The following LMX1A variants were observed in gnomAD, a reference collection of about 807,000 sequenced individuals.
The protein encoded by LMX1A is LIM homeobox transcription factor 1 alpha, also known as LIM homeobox transcription factor 1-alpha.
A neutral mutation model predicts 49.1 loss-of-function variants in LMX1A; 15 were observed. The observed-to-expected ratio is 0.31, with a 90% CI of 0.20 to 0.47. The LOEUF is 0.47. LMX1A is among the 20% of genes least tolerant of loss of function. LMX1A has a pLI of 1.00. For synonymous variants in LMX1A, 167 were observed against 185.7 expected, an observed-to-expected ratio of 0.90 and a Z score of 0.82; for missense variants, 372 against 475.8, an observed-to-expected ratio of 0.78 and a Z score of 2.03.
At chr1:165,273,592 C>T (rs1005646982) in intron 3 of LMX1A, among the ~76,000 whole-genome samples, 6 of 152,202 alleles carry the variant, frequency 3.9e-5, no homozygotes, top group African/African-American at 1.4e-4. Context: ...TCTTTCCCTC[C>T]ACCCTCCACC....
At chr1:165,309,853 T>A (rs1299679497) in intron 3 of LMX1A, among the ~76,000 whole-genome samples, 1 of 152,106 alleles carries the variant, frequency 6.6e-6, no homozygotes, top group African/African-American at 2.4e-5. Context: ...ATGTATTCCA[T>A]CCCACTGCCT....
intron 6 of LMX1A, among the ~76,000 whole-genome samples, chr1:165,208,637 G>GT (rs1012386161): frequency 1.3e-5 from 2 of 152,038 alleles, no homozygotes; most frequent in Admixed American, 6.5e-5. Context: ...TGAAGGAATA[G>GT]TTTTTTATTT....
At chr1:165,211,880 C>T (rs192486527) in intron 5 of LMX1A, among the ~76,000 whole-genome samples, 5 of 152,248 alleles carry the variant, frequency 3.3e-5, no homozygotes, top group African/African-American at 1.2e-4. Context: ...CTCAGAGCCC[C>T]CTCTCTGGTG....
intron 6 of LMX1A, among the ~76,000 whole-genome samples, chr1:165,209,912 C>T (rs1651295977): frequency 6.6e-6 from 1 of 152,162 alleles, no homozygotes; most frequent in African/African-American, 2.4e-5. Context: ...GCTGAACCCT[C>T]AACCTGTGAA....
chr1:165,232,415 T>G (rs1211599298), intron 4 of LMX1A, among the ~76,000 whole-genome samples: 7 of 152,212 alleles, frequency 4.6e-5, no homozygotes, highest in Non-Finnish European at 7.3e-5. Context: ...TCAATGGATC[T>G]CCCTTACATG....
intron 4 of LMX1A, among the ~76,000 whole-genome samples, chr1:165,239,287 C>G (rs1201892062): frequency 6.6e-6 from 1 of 152,156 alleles, no homozygotes; most frequent in Non-Finnish European, 1.5e-5. Context: ...GTAAAAAGGA[C>G]AATGCATTGT....
At chr1:165,279,622 G>C (rs1219555475) in intron 3 of LMX1A, among the ~76,000 whole-genome samples, 11 of 152,170 alleles carry the variant, frequency 7.2e-5, no homozygotes, top group Admixed American at 5.9e-4. Context: ...GATGCTGCCT[G>C]TCCAGGACAA....
rs1465449590 is a variant in LMX1A, at chr1:165,315,426, G to A, written c.263+37650C>T. ...CCCAGCACATCAGCACAGGAACTTCGGAAATCTTAACTATAGCTTTGTACT... is the reference window on the plus strand; with the variant it reads ...CCCAGCACATCAGCACAGGAACTTCAGAAATCTTAACTATAGCTTTGTACT... On this transcript the variant is annotated intron_variant, in intron 3 of 8. Coordinates refer to ENST00000342310, the MANE Select transcript of LMX1A (RefSeq NM_177398.4). Among the ~76,000 whole-genome samples the A allele has an allele frequency of 4.6e-5, 7 of 152,264 alleles. No homozygotes were observed. The East Asian group carries it at 5.8e-4, about 13-fold the overall frequency.
intron 3 of LMX1A, among the ~76,000 whole-genome samples, chr1:165,308,633 C>T (rs1185795587): frequency 1.3e-5 from 2 of 152,138 alleles, no homozygotes; most frequent in African/African-American, 4.8e-5. Flanking sequence ...ATTATAATCC[C>T]CACTTTACAG....
At chr1:165,264,278 C>G (rs577190388) in intron 3 of LMX1A, among the ~76,000 whole-genome samples, 1 of 152,036 alleles carries the variant, frequency 6.6e-6, no homozygotes, top group Non-Finnish European at 1.5e-5. Context: ...CTCCCCATAC[C>G]CAGCTCCATT....
intron 3 of LMX1A, among the ~76,000 whole-genome samples, chr1:165,352,210 C>G (rs1656449089): frequency 6.6e-6 from 1 of 152,252 alleles, no homozygotes; most frequent in Non-Finnish European, 1.5e-5. Context: ...CACTTTCTGG[C>G]TTCATCCAGG....
chr1:165,309,797 C>T lies in LMX1A; in HGVS notation c.263+43279G>A, dbSNP rs115635676. Among the ~76,000 whole-genome samples, 1,430 of 152,272 alleles carry T rather than the reference C, an allele frequency of 9.4e-3. 17 individuals carry two copies. The highest frequency in any genetic ancestry group is 0.024 in the Middle Eastern group (7 of 294). ...GTCTTGACAAGCCAAATCATAGCAT[C>T]GCAACCTCTACAACAGTCACCACAT... On this transcript the variant is annotated intron_variant, in intron 3 of 8. Transcript: ENST00000342310.
At chr1:165,318,999 T>TCACACACA (rs35582531) in intron 3 of LMX1A, among the ~76,000 whole-genome samples, 39 of 117,822 alleles carry the variant, frequency 3.3e-4, no homozygotes, top group African/African-American at 1.2e-3. Flanking sequence ...TCTCTCTCTC[T>TCACACACA]CACACACACA....
intron 3 of LMX1A, among the ~76,000 whole-genome samples, chr1:165,298,363 A>G (rs1198867726): frequency 1.3e-5 from 2 of 152,254 alleles, no homozygotes; most frequent in East Asian, 3.8e-4. Flanking sequence ...GAGAAAGTAC[A>G]GCCTGGGGCT....
intron 3 of LMX1A, among the ~76,000 whole-genome samples, chr1:165,294,756 G>A (rs1654569104): frequency 6.6e-6 from 1 of 152,186 alleles, no homozygotes; most frequent in South Asian, 2.1e-4. Flanking sequence ...TTGAGGTCAG[G>A]AATTCGAGAA....
chr1:165,293,136 A>G (rs567423646), intron 3 of LMX1A, among the ~76,000 whole-genome samples: 1 of 151,730 alleles, frequency 6.6e-6, no homozygotes, highest in Non-Finnish European at 1.5e-5. Flanking sequence ...ACAAAACAAA[A>G]CAAAACAAAA....
At chr1:165,278,359 G>A (rs539731613) in intron 3 of LMX1A, among the ~76,000 whole-genome samples, 21 of 152,296 alleles carry the variant, frequency 1.4e-4, no homozygotes, top group South Asian at 6.2e-4. Flanking sequence ...ACGTGCTCCC[G>A]TAGCTCAGCA....
intron 8 of LMX1A, 141 bp from the exon 9 acceptor site, chr1:165,204,181 T>G (rs879845567): frequency 1.2e-6 from 1 of 842,962 alleles, no homozygotes; most frequent in Non-Finnish European, 1.8e-6. Context: ...ATATTCTCTT[T>G]AGGGGGCTCA....
At chr1:165,272,186 A>G (rs1653815941) in intron 3 of LMX1A, among the ~76,000 whole-genome samples, 1 of 152,122 alleles carries the variant, frequency 6.6e-6, no homozygotes, top group South Asian at 2.1e-4. Context: ...AACTGAGAAG[A>G]AAGATCCCTC....
Sources: allele counts gnomAD v4.1 joint callset (sites outside exome capture counted in the v4.1 genomes callset), GRCh38; gene constraint gnomAD v4.1.1; transcripts MANE v1.5; gene names NCBI Gene and HGNC (gene_info 2026-07-23, HGNC 2026-07-21).